The following CDH4 variants were observed in gnomAD, a reference collection of about 807,000 sequenced individuals.
CDH4 encodes cadherin-4.
Under a neutral mutation model 86.0 loss-of-function variants are expected in CDH4, and 33 were observed. That is an observed-to-expected ratio of 0.38 (90% CI 0.29 to 0.51). The LOEUF is 0.51. Ranked by LOEUF, CDH4 falls within the 20% of genes least tolerant of loss-of-function variation. CDH4 has a pLI of 0.86. For synonymous variants in CDH4, 555 were observed against 549.4 expected, an observed-to-expected ratio of 1.01 and a Z score of -0.14; for missense variants, 1,114 against 1,307.4, an observed-to-expected ratio of 0.85 and a Z score of 2.28.
chr20:61,667,112 A>G (rs896069442), intron 2 of CDH4, among the ~76,000 whole-genome samples: 4 of 152,232 alleles, frequency 2.6e-5, no homozygotes, highest in African/African-American at 9.6e-5. Context: ...TGATCAGAGA[A>G]AATTGGGACA....
rs796696635 is a variant in CDH4, at chr20:61,692,231, GTGTGTATGTA to G, written c.170-51326_170-51317del. Among the ~76,000 whole-genome samples, 11 of 148,120 alleles carry G rather than the reference GTGTGTATGTA, an allele frequency of 7.4e-5. No individual in the cohort carries two copies. In the South Asian group the frequency reaches 1.5e-3, roughly 21 times the overall value. On this transcript the variant is annotated intron_variant, in intron 2 of 15. Transcript: ENST00000614565. ...TGTCTATGTATGTATGTGTGTATGTGTGTGTATGTATGTGTGTGTATGTGTGTGTCTGTAT... is the reference window on the plus strand; with the variant it reads ...TGTCTATGTATGTATGTGTGTATGTGTGTGTGTGTATGTGTGTGTCTGTAT...
At chr20:61,416,972 A>G (rs2255841) in intron 2 of CDH4, among the ~76,000 whole-genome samples, 54,026 of 151,634 alleles carry the variant, frequency 0.36, 11,514 homozygotes, top group South Asian at 0.5. Flanking sequence ...GGTTCTTCCA[A>G]TTGCTGGTTT....
chr20:61,659,425 C>T (rs1305692408), intron 2 of CDH4, among the ~76,000 whole-genome samples: 1 of 152,226 alleles, frequency 6.6e-6, no homozygotes, highest in Non-Finnish European at 1.5e-5. Flanking sequence ...CTGCGCTGCC[C>T]CCCACCTGGG....
intron 2 of CDH4, among the ~76,000 whole-genome samples, chr20:61,711,185 G>T (rs1486117764): frequency 6.6e-6 from 1 of 152,122 alleles, no homozygotes; most frequent in Non-Finnish European, 1.5e-5. Context: ...TTTTATAAGG[G>T]GTTCTTCCCC....
intron 2 of CDH4, among the ~76,000 whole-genome samples, chr20:61,530,599 G>A (rs2085944506): frequency 1.3e-5 from 2 of 152,202 alleles, no homozygotes; most frequent in African/African-American, 2.4e-5. Flanking sequence ...CAGGGAGGCA[G>A]TCGAAGGAGA....
At chr20:61,608,839 C>T (rs187406456) in intron 2 of CDH4, among the ~76,000 whole-genome samples, 31 of 152,282 alleles carry the variant, frequency 2.0e-4, no homozygotes, top group Non-Finnish European at 4.6e-4. Flanking sequence ...TGAGCACGAC[C>T]TCCTAGATCA....
At chr20:61,283,496 A>G (rs13039926) in intron 2 of CDH4, among the ~76,000 whole-genome samples, 10,302 of 23,066 alleles carry the variant, frequency 0.45, 2,789 homozygotes, top group South Asian at 0.52. Flanking sequence ...ATGTAGGTGC[A>G]TTTGCACGCG....
At chr20:61,305,004 G>A (rs1387491259) in intron 2 of CDH4, among the ~76,000 whole-genome samples, 3 of 151,844 alleles carry the variant, frequency 2.0e-5, no homozygotes, top group Non-Finnish European at 4.4e-5. Flanking sequence ...TGTGTTGCCT[G>A]TGTTGGGCAT....
chr20:61,346,742 A>C (rs1179210316), intron 2 of CDH4, among the ~76,000 whole-genome samples: 4 of 27,788 alleles, frequency 1.4e-4, no homozygotes, highest in African/African-American at 7.6e-4. Flanking sequence ...AGACTCTGTC[A>C]AAAAAAAAAA....
chr20:61,803,077 A>G (rs2146034539), intron 4 of CDH4, among the ~76,000 whole-genome samples: 1 of 152,314 alleles, frequency 6.6e-6, no homozygotes, highest in East Asian at 1.9e-4. Context: ...CCCCACTGCT[A>G]ATTGCCTGCC....
At chr20:61,585,157 C>T (rs2086459829) in intron 2 of CDH4, among the ~76,000 whole-genome samples, 1 of 152,224 alleles carries the variant, frequency 6.6e-6, no homozygotes, top group Non-Finnish European at 1.5e-5. Context: ...GGATCCCAGC[C>T]ACAGGTCTGC....
rs566485808 is a variant in CDH4 at position 61,399,075 on chromosome 20, C to T, written c.169+144138C>T. ...TATACTAAGTCCTTAAAGCCTAGGC[C>T]TACCACTCAGAACCTTAACAATTGT... is the stretch of plus-strand genomic sequence containing the variant. On this transcript the variant is annotated intron_variant, in intron 2 of 15. Transcript: ENST00000614565. Among the ~76,000 whole-genome samples, 14 of 152,022 alleles carry T rather than the reference C, an allele frequency of 9.2e-5. No homozygotes were observed. In the South Asian group the frequency reaches 2.9e-3, roughly 32 times the overall value.
intron 2 of CDH4, among the ~76,000 whole-genome samples, chr20:61,497,116 A>C (rs1005049625): frequency 1.3e-5 from 2 of 152,172 alleles, no homozygotes; most frequent in Non-Finnish European, 2.9e-5. Flanking sequence ...GTGTACTCAC[A>C]GTGTGTGTCT....
chr20:61,677,929 T>C (rs549501430), intron 2 of CDH4, among the ~76,000 whole-genome samples: 156 of 152,100 alleles, frequency 1.0e-3, no homozygotes, highest in Non-Finnish European at 1.7e-3. Context: ...ATTAGATAGA[T>C]GATGGATGTT....
chr20:61,656,084 G>A (rs1387607304), intron 2 of CDH4, among the ~76,000 whole-genome samples: 2 of 152,218 alleles, frequency 1.3e-5, no homozygotes, highest in African/African-American at 4.8e-5. Context: ...GGTGGAAAGT[G>A]TGGATGACAT....
rs371659005 is a variant in CDH4, at chr20:61,910,612, G to A, written c.1374+5G>A. Reference sequence around the variant, plus strand: ...GGCATGGTCACCGTGGTGAAGGTGCGTACTCTTCTCACACCCTGCCAGGCA... The same window carrying A: ...GGCATGGTCACCGTGGTGAAGGTGCATACTCTTCTCACACCCTGCCAGGCA... On this transcript the variant is annotated splice_donor_5th_base_variant and intron_variant, in intron 9 of 15. Coordinates refer to ENST00000614565, the MANE Select transcript of CDH4 (RefSeq NM_001794.5). 4.9e-5 allele frequency: 79 copies of A among 1,610,884 alleles called. 1 individual carries two copies. The highest frequency in any genetic ancestry group is 3.5e-4 in the Admixed American group (21 of 59,972).
intron 2 of CDH4, among the ~76,000 whole-genome samples, chr20:61,630,872 CG>C (rs1371200023): frequency 2.0e-5 from 3 of 152,116 alleles, no homozygotes; most frequent in African/African-American, 7.2e-5. Flanking sequence ...AGAGCATGAA[CG>C]GGGCCCTTGC....
rs1315540269 is a variant in CDH4, at chr20:61,348,581, T to A, written c.169+93644T>A. 2.0e-5 allele frequency among the ~76,000 whole-genome samples: 3 copies of A among 152,336 alleles called. No individual in the cohort carries two copies. The East Asian group carries it at 5.8e-4, about 29-fold the overall frequency. Reference sequence around the variant, plus strand: ...CAGTGAGAGCTTCACTTCTGTTCTCTTTAATTTTCTTTCACTTCCGGTGTT... The same window carrying A: ...CAGTGAGAGCTTCACTTCTGTTCTCATTAATTTTCTTTCACTTCCGGTGTT... On this transcript the variant is annotated intron_variant, in intron 2 of 15. Coordinates refer to ENST00000614565, the MANE Select transcript of CDH4 (RefSeq NM_001794.5).
chr20:61,788,868 G>C (rs1010347690), intron 4 of CDH4, among the ~76,000 whole-genome samples: 1 of 152,204 alleles, frequency 6.6e-6, no homozygotes, highest in Non-Finnish European at 1.5e-5. Context: ...ATTGCATCTT[G>C]GAAATCAACC....
Sources: gnomAD v4.1 joint callset for allele counts (sites outside exome capture counted in the v4.1 genomes callset) on GRCh38, gnomAD v4.1.1 for gene constraint, MANE v1.5 for transcripts, NCBI Gene and HGNC (gene_info 2026-07-23, HGNC 2026-07-21) for gene names.